SDK1: variants seen among roughly 807,000 people sequenced by gnomAD.
SDK1 encodes protein sidekick-1.
SDK1 carries 157 observed loss-of-function variants against 245.5 expected under a neutral mutation model. The observed-to-expected ratio is 0.64, with a 90% CI of 0.56 to 0.73. SDK1 has a LOEUF of 0.73. SDK1 is among the 30% of genes least tolerant of loss of function. SDK1 has a pLI of 0.00. For missense variants in SDK1, 3,583 were observed against 3,002.3 expected (o/e 1.19, Z -4.52); for synonymous variants, 1,647 against 1,278.5 (o/e 1.29, Z -6.15).
At chr7:3,435,612 G>C (rs954782840) in intron 1 of SDK1, among the ~76,000 whole-genome samples, 1 of 151,890 alleles carries the variant, frequency 6.6e-6, no homozygotes, top group Non-Finnish European at 1.5e-5. Context: ...CAATCCGCCC[G>C]CTTCGGCCTC....
chr7:3,352,901 G>C (rs966180753), intron 1 of SDK1, among the ~76,000 whole-genome samples: 1 of 152,058 alleles, frequency 6.6e-6, no homozygotes, highest in African/African-American at 2.4e-5. Context: ...CAGGCACCAG[G>C]TTGAAGAAAT....
At chr7:3,829,576 C>T (rs553868461) in intron 5 of SDK1, among the ~76,000 whole-genome samples, 1 of 152,248 alleles carries the variant, frequency 6.6e-6, no homozygotes, top group Admixed American at 6.5e-5. Flanking sequence ...CCTCCCAAAA[C>T]CCTCGTTTCT....
chr7:3,418,375 A>C (rs900651377), intron 1 of SDK1, among the ~76,000 whole-genome samples: 12 of 152,174 alleles, frequency 7.9e-5, no homozygotes, highest in Non-Finnish European at 1.0e-4. Flanking sequence ...GGTAGTGAAC[A>C]GAATGGAATA....
At chr7:4,178,320 G>T (rs1048248130) in intron 34 of SDK1, among the ~76,000 whole-genome samples, 165 bp from the exon 35 acceptor site, 5 of 152,118 alleles carry the variant, frequency 3.3e-5, no homozygotes, top group African/African-American at 1.2e-4. Flanking sequence ...GAGAGAAGGA[G>T]GGTGCCCCGG....
rs146903996 is a variant in SDK1, at chr7:3,319,847, T to C, written c.298+17963T>C. Among the ~76,000 whole-genome samples the C allele has an allele frequency of 1.4e-3, 197 of 143,824 alleles. 4 individuals carry two copies. Among genetic ancestry groups the C allele is most frequent in the African/African-American group, 4.9e-3 (191 of 39,178 alleles). The allele number at this position is 143,824 out of a possible 152,430, so 94.4% of individuals were successfully genotyped here. A position where few individuals can be genotyped will look rare whatever the true frequency, so the allele number is the denominator to read the frequency against. ...TTATATTACAAATCTGGTTTCCTCT[T>C]CCATTTGCCTATATCTAACCCATTC... On this transcript the variant is annotated intron_variant, in intron 1 of 44. Transcript: ENST00000404826.
At chr7:3,911,670 C>T (rs1034008688) in intron 5 of SDK1, among the ~76,000 whole-genome samples, 2 of 152,200 alleles carry the variant, frequency 1.3e-5, no homozygotes, top group Admixed American at 6.5e-5. Context: ...CAAGGTCTTA[C>T]AGCCGGTGGT....
At chr7:3,951,698 A>C (rs200449143) in intron 6 of SDK1, 32 bp from the exon 7 acceptor site, 2 of 1,601,806 alleles carry the variant, frequency 1.2e-6, no homozygotes, top group Non-Finnish European at 8.5e-7. Context: ...CTGAGTCACA[A>C]TCGTCGTCAT....
chr7:3,730,312 G>A (rs1012454356), intron 4 of SDK1, among the ~76,000 whole-genome samples: 11 of 152,186 alleles, frequency 7.2e-5, no homozygotes, highest in African/African-American at 2.7e-4. Flanking sequence ...TGTTGTTAAA[G>A]GAATCTGACA....
chr7:3,432,055 C>A (rs1396798106), intron 1 of SDK1, among the ~76,000 whole-genome samples: 1 of 149,792 alleles, frequency 6.7e-6, no homozygotes, highest in Non-Finnish European at 1.5e-5. Flanking sequence ...AAAATTATGA[C>A]AATAACTCAG....
intron 17 of SDK1, among the ~76,000 whole-genome samples, chr7:4,042,725 G>A (rs1304076941): frequency 1.3e-5 from 2 of 152,186 alleles, no homozygotes; most frequent in Admixed American, 1.3e-4. Flanking sequence ...AGCATAGTTG[G>A]ACTAAGCCCT....
intron 13 of SDK1, among the ~76,000 whole-genome samples, chr7:3,983,823 C>T (rs2128137901): frequency 6.6e-6 from 1 of 152,238 alleles, no homozygotes; most frequent in East Asian, 1.9e-4. Context: ...ACCAAAATAT[C>T]ACACTTTGCC....
chr7:3,589,395 C>G (rs1317465839), intron 1 of SDK1, among the ~76,000 whole-genome samples: 3 of 152,216 alleles, frequency 2.0e-5, no homozygotes, highest in African/African-American at 7.2e-5. Context: ...TGTCAGTGCA[C>G]AGACTCTTCC....
rs1373204015 is a variant in SDK1, at chr7:4,070,196, CCA to C, written c.3010+2263_3010+2264del. On this transcript the variant is annotated intron_variant, in intron 20 of 44. Coordinates refer to ENST00000404826, the MANE Select transcript of SDK1 (RefSeq NM_152744.4). The stretch of plus-strand genomic sequence containing the variant: ...ATACTTGCATTTCTTTTTTCAGTGA[CCA>C]CAGTTAGTTCCTAATGGGATGTCTG... Among the ~76,000 whole-genome samples the C allele has an allele frequency of 3.3e-5, 5 of 152,268 alleles. No individual in the cohort carries two copies. In the East Asian group the frequency reaches 7.7e-4, roughly 24 times the overall value.
chr7:4,017,357 G>A lies in SDK1; in HGVS notation c.2602+5G>A, dbSNP rs1462947010. Reference sequence around the variant, plus strand: ...CCGAGTACACCTTGCAGGGAGGTAAGCTTGTCTCCAAAACCACGAGGTGGC... The same window carrying A: ...CCGAGTACACCTTGCAGGGAGGTAAACTTGTCTCCAAAACCACGAGGTGGC... On this transcript the variant is annotated splice_donor_5th_base_variant and intron_variant, in intron 17 of 44. Coordinates refer to ENST00000404826, the MANE Select transcript of SDK1 (RefSeq NM_152744.4). 1.2e-6 allele frequency: 2 copies of A among 1,600,486 alleles called. No individual in the cohort carries two copies. The highest frequency in any genetic ancestry group is 3.4e-5 in the Admixed American group (2 of 58,630).
intron 5 of SDK1, among the ~76,000 whole-genome samples, chr7:3,838,007 G>A (rs139136178): frequency 1.3e-5 from 2 of 152,320 alleles, no homozygotes; most frequent in East Asian, 3.9e-4. Context: ...TTGCACATAT[G>A]AGCAGGATAC....
chr7:3,458,385 G>A (rs1780732579), intron 1 of SDK1, among the ~76,000 whole-genome samples: 1 of 151,964 alleles, frequency 6.6e-6, no homozygotes, highest in South Asian at 2.1e-4. Flanking sequence ...CATAGAGTAG[G>A]TCCATATAAT....
intron 5 of SDK1, among the ~76,000 whole-genome samples, chr7:3,878,873 A>C (rs1158533643): frequency 1.3e-5 from 2 of 152,252 alleles, no homozygotes; most frequent in East Asian, 1.9e-4. Context: ...CATACACAAA[A>C]GTATACAAAT....
intron 5 of SDK1, among the ~76,000 whole-genome samples, chr7:3,882,647 G>A (rs191806194): frequency 1.3e-5 from 2 of 152,116 alleles, no homozygotes; most frequent in African/African-American, 4.8e-5. Flanking sequence ...CATTGTTGGA[G>A]CGTGTTTCAC....
At chr7:4,070,283 T>G (rs1780165589) in intron 20 of SDK1, among the ~76,000 whole-genome samples, 1 of 152,216 alleles carries the variant, frequency 6.6e-6, no homozygotes, top group Non-Finnish European at 1.5e-5. Flanking sequence ...CTCGTCACCC[T>G]CATTTCCCGG....
Sources: allele counts gnomAD v4.1 joint callset (sites outside exome capture counted in the v4.1 genomes callset), GRCh38; gene constraint gnomAD v4.1.1; transcripts MANE v1.5; gene names NCBI Gene and HGNC (gene_info 2026-07-23, HGNC 2026-07-21).